MAPKAPK5: variants seen among roughly 807,000 people sequenced by gnomAD.
MAPKAPK5 encodes MAP kinase-activated protein kinase 5.
MAPKAPK5 carries 30 observed loss-of-function variants against 65.1 expected under a neutral mutation model. That is an observed-to-expected ratio of 0.46 (90% CI 0.34 to 0.63). The LOEUF is 0.63. MAPKAPK5 is among the 20% of genes least tolerant of loss of function. The pLI is 0.01. For synonymous variants in MAPKAPK5, 179 were observed against 204.6 expected (o/e 0.87, Z 1.07); for missense variants, 433 against 581.4 (o/e 0.74, Z 2.63).
At chr12:111,875,231 C>T (rs939155975) in intron 7 of MAPKAPK5, among the ~76,000 whole-genome samples, 4 of 151,474 alleles carry the variant, frequency 2.6e-5, no homozygotes, top group Admixed American at 1.3e-4. Flanking sequence ...TTCTGTTGCT[C>T]GGCCTTTAGT....
Position 111,901,554 on chromosome 12 carries a change from C to A in MAPKAPK5, c.*8493C>A. ...TTGCTTAAAAAATCACCAGAGGCTGCCCCGGCAGAAGCTCCTCCAGCAGTG... is the reference window on the plus strand; with the variant it reads ...TTGCTTAAAAAATCACCAGAGGCTGACCCGGCAGAAGCTCCTCCAGCAGTG... On this transcript the variant is annotated 3_prime_UTR_variant, in exon 14 of 14. Transcript: ENST00000550735. 1 of 338,324 alleles carries A rather than the reference C, an allele frequency of 3.0e-6. No individual in the cohort carries two copies. The highest frequency in any genetic ancestry group is 3.5e-5 in the Admixed American group (1 of 28,962). 21.0% of individuals were successfully genotyped at this position (338,324 alleles called of 1,614,324 possible).
chr12:111,871,526 C>T (rs1044479937), intron 7 of MAPKAPK5, among the ~76,000 whole-genome samples: 8 of 152,170 alleles, frequency 5.3e-5, no homozygotes, highest in East Asian at 1.9e-4. Context: ...ACCTGTAATT[C>T]GTGCTACTCA....
At chr12:111,865,564 G>A (rs539244231) in intron 2 of MAPKAPK5, among the ~76,000 whole-genome samples, 95 of 152,018 alleles carry the variant, frequency 6.2e-4, no homozygotes, top group South Asian at 2.1e-3. Flanking sequence ...CTGGCCAGGC[G>A]CGGTGGCTCA....
chr12:111,894,816 C>G lies in MAPKAPK5; in HGVS notation c.*1755C>G, dbSNP rs1027400824. 6.7e-6 allele frequency: 1 copy of G among 149,230 alleles called. No individual in the cohort carries two copies. The highest frequency in any genetic ancestry group is 2.5e-5 in the African/African-American group (1 of 39,460). 9.2% of individuals were successfully genotyped at this position (149,230 alleles called of 1,614,324 possible). A position where few individuals can be genotyped will look rare whatever the true frequency, so the allele number is the denominator to read the frequency against. On this transcript the variant is annotated 3_prime_UTR_variant, in exon 14 of 14. Transcript: ENST00000550735. ...TGAAGCAGTTTTTGGTGGGTACTTACGTTGGTACATAGAAAAGCTGGCAGG... is the reference window on the plus strand; with the variant it reads ...TGAAGCAGTTTTTGGTGGGTACTTAGGTTGGTACATAGAAAAGCTGGCAGG...
At chr12:111,842,885 G>A (rs555111121) in intron 1 of MAPKAPK5, 116 bp downstream of exon 1, 3 of 1,049,422 alleles carry the variant, frequency 2.9e-6, no homozygotes, top group African/African-American at 1.7e-5. Flanking sequence ...CCGGGTTTCG[G>A]CCTCCCCCGG....
intron 1 of MAPKAPK5, among the ~76,000 whole-genome samples, chr12:111,848,140 CT>C (rs1344478409): frequency 1.3e-5 from 2 of 152,136 alleles, no homozygotes; most frequent in Admixed American, 6.5e-5. Context: ...TTATGTTTAA[CT>C]TTTTAAGAAA....
chr12:111,881,753 G>A (rs2070240154), intron 8 of MAPKAPK5, among the ~76,000 whole-genome samples: 2 of 152,170 alleles, frequency 1.3e-5, no homozygotes, highest in African/African-American at 4.8e-5. Context: ...TCTAGAAATA[G>A]GCCCTGGAGT....
intron 1 of MAPKAPK5, among the ~76,000 whole-genome samples, chr12:111,857,981 C>G (rs1284896447): frequency 6.6e-6 from 1 of 152,056 alleles, no homozygotes; most frequent in Non-Finnish European, 1.5e-5. Flanking sequence ...TTACTGCAAC[C>G]TCAATCTCCT....
intron 7 of MAPKAPK5, among the ~76,000 whole-genome samples, chr12:111,877,026 T>TC (rs2136127199): frequency 7.8e-6 from 1 of 127,480 alleles, no homozygotes; most frequent in African/African-American, 3.0e-5. Flanking sequence ...TTAATTTTAA[T>TC]TTTTTTTTTT....
chr12:111,842,785 C>T lies in MAPKAPK5; in HGVS notation c.36+16C>T, dbSNP rs539657028. The T allele has an allele frequency of 3.0e-5, 40 of 1,316,412 alleles. No homozygotes were observed. The African/African-American group carries it at 3.3e-4, about 11-fold the overall frequency. 81.5% of individuals were successfully genotyped at this position (1,316,412 alleles called of 1,614,324 possible). A position where few individuals can be genotyped will look rare whatever the true frequency, so the allele number is the denominator to read the frequency against. On this transcript the variant is annotated intron_variant, in intron 1 of 13. Transcript: ENST00000550735. ...AGCCATCAAGGTAAGGGGGAGGTGC[C>T]CCCTCTTCCCCCGCGTTGTCCTGTG...
chr12:111,891,316 C>T lies in MAPKAPK5; in HGVS notation c.1321+1172C>T, dbSNP rs368736983. 3.4e-5 allele frequency among the ~76,000 whole-genome samples: 5 copies of T among 147,940 alleles called. No individual in the cohort carries two copies. In the East Asian group the frequency reaches 8.4e-4, roughly 25 times the overall value. ...GGGGTTTCACCATGTTGGCCAGGCT[C>T]GTCTCGAACTCCTGACCTCAAGTGA... is the stretch of plus-strand genomic sequence containing the variant. On this transcript the variant is annotated intron_variant, in intron 13 of 13. Coordinates refer to ENST00000550735, the MANE Select transcript of MAPKAPK5 (RefSeq NM_003668.4).
chr12:111,861,111 C>T (rs916787965), intron 1 of MAPKAPK5, among the ~76,000 whole-genome samples: 1 of 150,980 alleles, frequency 6.6e-6, no homozygotes, highest in East Asian at 2.0e-4. Context: ...GAGCCGAGAT[C>T]GCGCCACTGC....
In MAPKAPK5 at chr12:111,893,210, A is replaced by G. The variant is rs1245205872; in HGVS notation, c.*149A>G. 2.1e-6 allele frequency: 1 copy of G among 485,130 alleles called. No homozygotes were observed. The highest frequency in any genetic ancestry group is 2.0e-5 in the African/African-American group (1 of 51,008). The allele number at this position is 485,130 out of a possible 1,614,324, so 30.1% of individuals were successfully genotyped here. A position where few individuals can be genotyped will look rare whatever the true frequency, so the allele number is the denominator to read the frequency against. ...TTAGGGTGCAGGACTTAATAATAGT[A>G]TAGTTATTGTTTGTTTTTAAGAAAA... On this transcript the variant is annotated 3_prime_UTR_variant, in exon 14 of 14. Coordinates refer to ENST00000550735, the MANE Select transcript of MAPKAPK5 (RefSeq NM_003668.4).
At chr12:111,863,199 AC>A (rs2069500070) in intron 1 of MAPKAPK5, among the ~76,000 whole-genome samples, 1 of 152,298 alleles carries the variant, frequency 6.6e-6, no homozygotes, top group Admixed American at 6.5e-5. Flanking sequence ...TGTGACCTTG[AC>A]AAGCTCCATA....
intron 1 of MAPKAPK5, among the ~76,000 whole-genome samples, chr12:111,850,005 T>C (rs2069025536): frequency 6.6e-6 from 1 of 151,588 alleles, no homozygotes; most frequent in Non-Finnish European, 1.5e-5. Context: ...ATTATAGGCA[T>C]GAACCACCAC....
chr12:111,871,094 G>T lies in MAPKAPK5; in HGVS notation c.493G>T (p.Val165Leu), dbSNP rs762443184. 6.2e-7 allele frequency: 1 copy of T among 1,613,154 alleles called. No homozygotes were observed. Among genetic ancestry groups the T allele is most frequent in the Non-Finnish European group, 8.5e-7 (1 of 1,179,532 alleles). Residue 165 changes from valine to leucine, a missense_variant, in exon 7 of 14, where the codon GTG (valine) becomes TTG (leucine). Around this residue, in one of 3 missense-constraint regions of MAPKAPK5, gnomAD observed 99 missense variants for 185.8 expected, o/e 0.53. Coordinates refer to ENST00000550735, the MANE Select transcript of MAPKAPK5 (RefSeq NM_003668.4). ...LFKDNSLDAP[V>L]KLCDFGFAKI... ...TTTTTTTTAATTTCAGGATGCCCCA[G>T]TGAAGTTGTGTGACTTTGGATTTGC... is the stretch of plus-strand genomic sequence containing the variant.
chr12:111,843,507 A>G (rs1657909259), intron 1 of MAPKAPK5: 2 of 373,240 alleles, frequency 5.4e-6, no homozygotes, highest in Non-Finnish European at 9.5e-6. Context: ...TAGCTAAGAA[A>G]TTAGTCTTAT....
chr12:111,860,032 C>T (rs565410632), intron 1 of MAPKAPK5, among the ~76,000 whole-genome samples: 13 of 152,242 alleles, frequency 8.5e-5, no homozygotes, highest in African/African-American at 1.9e-4. Context: ...ATTGCGCCAT[C>T]GCACTCCAGC....
At chr12:111,847,664 A>C (rs1408829258) in intron 1 of MAPKAPK5, among the ~76,000 whole-genome samples, 1 of 152,226 alleles carries the variant, frequency 6.6e-6, no homozygotes, top group Non-Finnish European at 1.5e-5. Flanking sequence ...AGTTCAGTAC[A>C]TTCAGTGTAA....
Sources: gnomAD v4.1 joint callset for allele counts (sites outside exome capture counted in the v4.1 genomes callset) on GRCh38, gnomAD v4.1.1 for gene constraint, gnomAD v4.1.1 regional missense constraint, MANE v1.5 for transcripts, NCBI Gene and HGNC (gene_info 2026-07-23, HGNC 2026-07-21) for gene names.